The following PKD1L3 variants were observed in gnomAD, a reference collection of about 807,000 sequenced individuals.
PKD1L3 encodes the protein polycystin 1 like 3, transient receptor potential channel interacting, also known as polycystin-1-like protein 3.
A neutral mutation model predicts 184.1 loss-of-function variants in PKD1L3; 239 were observed. The ratio of observed to expected loss-of-function variants is 1.30; its 90% CI spans 1.17 to 1.45. The LOEUF is 1.45. PKD1L3 is among the 40% of genes most tolerant of loss of function. The pLI, the probability that PKD1L3 is intolerant of heterozygous loss-of-function variation, is 0.00. For synonymous variants in PKD1L3, 996 were observed against 778.8 expected (o/e 1.28, Z -4.64); for missense variants, 2,660 against 2,067.2 (o/e 1.29, Z -5.56).
chr16:71,994,945 G>A (rs1240335520), intron 2 of PKD1L3, among the ~76,000 whole-genome samples: 1 of 152,078 alleles, frequency 6.6e-6, no homozygotes, highest in Middle Eastern at 3.4e-3. Flanking sequence ...CCAAGATCAC[G>A]CCATTACACT....
intron 28 of PKD1L3, 31 bp downstream of exon 28, chr16:71,933,389 A>G: frequency 6.8e-7 from 1 of 1,475,674 alleles, no homozygotes; most frequent in East Asian, 2.5e-5. Context: ...AATATATTGA[A>G]TTCTGTGAGG....
intron 24 of PKD1L3, among the ~76,000 whole-genome samples, chr16:71,940,218 A>C (rs1007019461): frequency 6.6e-6 from 1 of 152,092 alleles, no homozygotes; most frequent in Non-Finnish European, 1.5e-5. Context: ...CCATGACTAA[A>C]GGTTTGTTTC....
chr16:71,983,764 A>C (rs1299666384), intron 6 of PKD1L3, among the ~76,000 whole-genome samples: 1 of 136,400 alleles, frequency 7.3e-6, no homozygotes, highest in Non-Finnish European at 1.5e-5. Context: ...CCTGGGTTCA[A>C]GTGATTATTG....
chr16:71,999,321 A>C (rs548144307), intron 1 of PKD1L3, among the ~76,000 whole-genome samples: 2 of 152,086 alleles, frequency 1.3e-5, no homozygotes, highest in African/African-American at 2.4e-5. Flanking sequence ...GACAATAGGT[A>C]GATACTCTTC....
chr16:71,945,293 T>TAC (rs1353902120), intron 22 of PKD1L3, among the ~76,000 whole-genome samples: 3 of 70,984 alleles, frequency 4.2e-5, no homozygotes, highest in Admixed American at 1.9e-4. Flanking sequence ...TATATATATA[T>TAC]ATATATATAT....
At position 71,929,683 on chromosome 16, in the gene PKD1L3, G is replaced by A; in HGVS notation, c.5059-5C>T. On this transcript the variant is annotated splice_region_variant and splice_polypyrimidine_tract_variant and intron_variant, in intron 29 of 29. Transcript: ENST00000620267. ...ATCTATTAGTGCAGCTTCTTTCTGA[G>A]TATTGAAGACAAAAAGAGAAAAGTG... 1 of 1,532,720 alleles carries A rather than the reference G, an allele frequency of 6.5e-7. No individual in the cohort carries two copies. The highest frequency in any genetic ancestry group is 8.8e-7 in the Non-Finnish European group (1 of 1,140,192). The allele number at this position is 1,532,720 out of a possible 1,614,324, so 94.9% of individuals were successfully genotyped here. A position where few individuals can be genotyped will look rare whatever the true frequency, so the allele number is the denominator to read the frequency against.
At chr16:71,958,319 G>A (rs1210334044) in intron 16 of PKD1L3, among the ~76,000 whole-genome samples, 1 of 149,258 alleles carries the variant, frequency 6.7e-6, no homozygotes, top group Non-Finnish European at 1.5e-5. Context: ...CCCGGGAGGC[G>A]GAGCTTGCAG....
Position 71,986,450 on chromosome 16 carries a change from G to C in PKD1L3, c.605C>G (p.Pro202Arg). 1 of 1,551,818 alleles carries C rather than the reference G, an allele frequency of 6.4e-7. No homozygotes were observed. Among genetic ancestry groups the C allele is most frequent in the Non-Finnish European group, 8.7e-7 (1 of 1,146,806 alleles). ...PAHLSKTLCH[P>R]ISQFPSVLSS... ...TAGTACTGAAGGAAACTGGCTGATG[G>C]GATGACACAGGGTCTTGGACTAAAA... Residue 202 changes from proline to arginine, a missense_variant, in exon 5 of 30, where the codon CCC (proline) becomes CGC (arginine). Coordinates refer to ENST00000620267, the MANE Select transcript of PKD1L3 (RefSeq NM_181536.2).
chr16:71,967,322 T>G lies in PKD1L3; in HGVS notation c.2287-7A>C, dbSNP rs965143438. The G allele has an allele frequency of 1.3e-6, 2 of 1,548,118 alleles. No individual in the cohort carries two copies. The highest frequency in any genetic ancestry group is 1.7e-6 in the Non-Finnish European group (2 of 1,145,552). On this transcript the variant is annotated splice_region_variant and splice_polypyrimidine_tract_variant and intron_variant, in intron 14 of 29. Coordinates refer to ENST00000620267, the MANE Select transcript of PKD1L3 (RefSeq NM_181536.2). ...CATAGAGGGTGATGACAACCTACAA[T>G]GAGACAGGGAAAGATAAAATATAAG...
intron 25 of PKD1L3, among the ~76,000 whole-genome samples, chr16:71,936,526 T>C (rs539364506): frequency 6.5e-4 from 98 of 150,120 alleles, no homozygotes; most frequent in African/African-American, 1.9e-3. Flanking sequence ...TTTCTTTTTT[T>C]TTTTTTTTTT....
intron 18 of PKD1L3, 99 bp downstream of exon 18, chr16:71,952,795 A>G: frequency 7.8e-7 from 1 of 1,277,876 alleles, no homozygotes; most frequent in Non-Finnish European, 1.1e-6. Context: ...CCGAGGTTGC[A>G]CCACTACACT....
rs896483790 is a variant in PKD1L3, at chr16:71,983,630, C to T, written c.966+406G>A. Among the ~76,000 whole-genome samples, 4 of 143,348 alleles carry T rather than the reference C, an allele frequency of 2.8e-5. No homozygotes were observed. In the South Asian group the frequency reaches 9.1e-4, roughly 32 times the overall value. 94.0% of individuals were successfully genotyped at this position (143,348 alleles called of 152,430 possible). On this transcript the variant is annotated intron_variant, in intron 6 of 29. Coordinates refer to ENST00000620267, the MANE Select transcript of PKD1L3 (RefSeq NM_181536.2). ...TAAATACAGTCTTTATAATGCTAAG[C>T]TTGGCATAAGGCACAATCTCCAGAT...
At chr16:71,987,392 G>C (rs2040414407) in intron 4 of PKD1L3, among the ~76,000 whole-genome samples, 1 of 151,796 alleles carries the variant, frequency 6.6e-6, no homozygotes, top group Non-Finnish European at 1.5e-5. Context: ...GGCTACTTTT[G>C]AGATGGAGTC....
At chr16:71,977,212 T>G in intron 11 of PKD1L3, 24 bp downstream of exon 11, 1 of 1,467,668 alleles carries the variant, frequency 6.8e-7, no homozygotes, top group East Asian at 2.5e-5. Context: ...CAAAGTAAGT[T>G]TCTGACAGCT....
At chr16:71,986,838 C>T (rs911905380) in intron 4 of PKD1L3, among the ~76,000 whole-genome samples, 9 of 149,724 alleles carry the variant, frequency 6.0e-5, no homozygotes, top group African/African-American at 9.9e-5. Flanking sequence ...ATATTAAATA[C>T]GTGCTATGAA....
chr16:71,930,330 G>A (rs954198150), intron 28 of PKD1L3, 147 bp from the exon 29 acceptor site: 5 of 765,558 alleles, frequency 6.5e-6, no homozygotes, highest in Admixed American at 3.5e-5. Flanking sequence ...TAATAAGAAG[G>A]AAAATACTTT....
At position 71,998,287 on chromosome 16, in the gene PKD1L3, A is replaced by C; in HGVS notation, c.403T>G (p.Phe135Val). Residue 135 changes from phenylalanine to valine, a missense_variant, in exon 2 of 30, where the codon TTC becomes GTC. Coordinates refer to ENST00000620267, the MANE Select transcript of PKD1L3 (RefSeq NM_181536.2). ...TATCACTTACCAGTCTGGCAAATGA[A>C]ATAGTATTTCAGTAAGCACTTGTCC... ...KGDKCLLKYY[F>V]ICQTGDFLDG... 1 of 1,552,122 alleles carries C rather than the reference A, an allele frequency of 6.4e-7. No homozygotes were observed. Among genetic ancestry groups the C allele is most frequent in the South Asian group, 1.2e-5 (1 of 84,052 alleles).
chr16:71,999,564 G>A, intron 1 of PKD1L3, 120 bp downstream of exon 1: 2 of 1,007,518 alleles, frequency 2.0e-6, no homozygotes, highest in Non-Finnish European at 2.7e-6. Context: ...TGGTAATGAA[G>A]TAAAGTGACT....
intron 16 of PKD1L3, among the ~76,000 whole-genome samples, chr16:71,958,644 G>T (rs1173320512): frequency 6.7e-6 from 1 of 148,566 alleles, no homozygotes; most frequent in East Asian, 2.0e-4. Context: ...AGCCAGGCGT[G>T]GTGGTGGGCG....
Sources: allele counts gnomAD v4.1 joint callset (sites outside exome capture counted in the v4.1 genomes callset), GRCh38; gene constraint gnomAD v4.1.1; transcripts MANE v1.5; gene names NCBI Gene and HGNC (gene_info 2026-07-23, HGNC 2026-07-21).